IL18RAP: variants seen among roughly 807,000 people sequenced by gnomAD.
IL18RAP encodes interleukin 18 receptor accessory protein, also known as interleukin-18 receptor accessory protein.
A neutral mutation model predicts 58.1 loss-of-function variants in IL18RAP; 37 were observed. The observed-to-expected ratio is 0.64, with a 90% CI of 0.49 to 0.84. IL18RAP has a LOEUF of 0.84. Ranked by LOEUF, IL18RAP falls within the 40% of genes least tolerant of loss-of-function variation. The pLI, the probability that IL18RAP is intolerant of heterozygous loss-of-function variation, is 0.00. For synonymous variants in IL18RAP, 268 were observed against 257.5 expected (o/e 1.04, Z -0.39); for missense variants, 667 against 704.8 (o/e 0.95, Z 0.61).
In IL18RAP at chr2:102,451,906, C is replaced by G; in HGVS notation, c.1525C>G (p.Leu509Val). ...NLALDDQTLK[L>V]ILIKFCYFQE... ...TGCCTTGGATGATCAAACACTGAAA[C>G]TCATTTTAATTAAGTTCTGTTACTT... Residue 509 changes from leucine (L) to valine (V), a missense_variant, in exon 10 of 10, where the codon CTC (leucine) becomes GTC (valine). By Grantham distance (32) the Leu-to-Val change is conservative (BLOSUM62 1). Coordinates refer to ENST00000687160, the MANE Select transcript of IL18RAP (RefSeq NM_001393487.1). 1 of 1,614,196 alleles carries G rather than the reference C, an allele frequency of 6.2e-7. No homozygotes were observed. The highest frequency in any genetic ancestry group is 8.5e-7 in the Non-Finnish European group (1 of 1,180,028).
intron 5 of IL18RAP, among the ~76,000 whole-genome samples, chr2:102,442,640 T>C (rs1286714627): frequency 6.6e-6 from 1 of 152,214 alleles, no homozygotes; most frequent in Non-Finnish European, 1.5e-5. Context: ...GCAGAGCATA[T>C]GTGAATATTC....
chr2:102,436,587 G>A (rs914499959), intron 3 of IL18RAP, among the ~76,000 whole-genome samples: 3 of 151,804 alleles, frequency 2.0e-5, no homozygotes, highest in Non-Finnish European at 2.9e-5. Flanking sequence ...AGGCAAAGTG[G>A]AAGGGAAATT....
intron 4 of IL18RAP, chr2:102,438,874 C>G (rs13383035): frequency 1.3e-5 from 2 of 152,368 alleles, no homozygotes; most frequent in South Asian, 4.1e-4. Flanking sequence ...TGTCATAATA[C>G]AGTGCAGCAA....
Position 102,442,453 on chromosome 2 carries a change from G to A in IL18RAP, c.797-747G>A, listed in dbSNP as rs115249029. On this transcript the variant is annotated intron_variant, in intron 5 of 9. Transcript: ENST00000687160. ...AAATAGCACTAACTATGTGCTCAAC[G>A]TCACAGGAATGGAAGGAAGGAGGAA... Among the ~76,000 whole-genome samples, 305 of 152,172 alleles carry A rather than the reference G, an allele frequency of 2.0e-3. 1 individual carries two copies. The highest frequency in any genetic ancestry group is 6.8e-3 in the African/African-American group (282 of 41,502).
At chr2:102,426,141 T>G (rs1681922836) in intron 3 of IL18RAP, among the ~76,000 whole-genome samples, 1 of 152,168 alleles carries the variant, frequency 6.6e-6, no homozygotes, top group East Asian at 1.9e-4. Flanking sequence ...CTAAAAGTGA[T>G]GGCATTAGGC....
intron 3 of IL18RAP, among the ~76,000 whole-genome samples, chr2:102,433,622 T>A (rs2104332213): frequency 6.6e-6 from 1 of 152,254 alleles, no homozygotes; most frequent in South Asian, 2.1e-4. Context: ...CTTGGCTCAC[T>A]GCAACCTCCA....
rs143234495 is a variant in IL18RAP at position 102,424,018 on chromosome 2, C to T, written c.278C>T (p.Pro93Leu). The change falls in exon 2 of 10, where the codon CCA becomes CTA. Residue 93 changes from proline (P) to leucine (L), a missense_variant. Physicochemically the swap from Pro to Leu is moderately conservative, Grantham distance 98. Transcript: ENST00000687160. ...TACCAACAACCTTCGAATGGAGATC[C>T]ATTAGAGGACATTAGGAAAAGCTAT... is the stretch of plus-strand genomic sequence containing the variant. ...QWYQQPSNGD[P>L]LEDIRKSYPH... is the part of the protein sequence containing the mutation. The T allele has an allele frequency of 6.2e-7, 1 of 1,614,040 alleles. No homozygotes were observed. The highest frequency in any genetic ancestry group is 2.2e-5 in the East Asian group (1 of 44,864).
intron 6 of IL18RAP, 50 bp downstream of exon 6, chr2:102,443,373 T>G: frequency 6.3e-7 from 1 of 1,589,550 alleles, no homozygotes; most frequent in Non-Finnish European, 8.5e-7. Flanking sequence ...GAAGAGATAC[T>G]TCTACCTTTA....
chr2:102,422,812 C>T (rs1158042010), upstream of IL18RAP, among the ~76,000 whole-genome samples: 1 of 152,088 alleles, frequency 6.6e-6, no homozygotes, highest in Non-Finnish European at 1.5e-5. Context: ...GCTTTCCTAA[C>T]CGTGAAAAAT....
At chr2:102,421,449 C>A (rs1020405625), upstream of IL18RAP, among the ~76,000 whole-genome samples, 2 of 152,100 alleles carry the variant, frequency 1.3e-5, no homozygotes, top group Admixed American at 6.5e-5. Context: ...AAATGAAATG[C>A]CCAGGCTTGC....
Position 102,452,151 on chromosome 2 carries a change from T to C in IL18RAP, c.1770T>C (p.Thr590=), listed in dbSNP as rs1251239876. 1.2e-6 allele frequency: 2 copies of C among 1,611,172 alleles called. No individual in the cohort carries two copies. Among genetic ancestry groups the C allele is most frequent in the Non-Finnish European group, 1.7e-6 (2 of 1,178,510 alleles). ...QWKGLSRTET[T]GRSSQPKEW ...AAGGACTCAGTAGAACAGAAACCAC[T>C]GGGAGGAGCTCCCAGCCTAAGGAAT... Residue 590 remains threonine, a synonymous_variant, in exon 10 of 10, where the codon ACT becomes ACC. Coordinates refer to ENST00000687160, the MANE Select transcript of IL18RAP (RefSeq NM_001393487.1).
Position 102,445,295 on chromosome 2 carries a change from A to G in IL18RAP, c.1027A>G (p.Ile343Val). 1 of 1,614,258 alleles carries G rather than the reference A, an allele frequency of 6.2e-7. No homozygotes were observed. Among genetic ancestry groups the G allele is most frequent in the Non-Finnish European group, 8.5e-7 (1 of 1,180,036 alleles). The change falls in exon 7 of 10, where the codon ATT becomes GTT. Residue 343 changes from isoleucine (I) to valine (V), a missense_variant. Ile to Val is a conservative substitution (Grantham distance 29, BLOSUM62 3). Transcript: ENST00000687160. Reference sequence around the variant, plus strand: ...GTTTGTTTGCTTTGTCCAGAACTCCATTGGAAACACAACCCAGTCCGTCCA... The same window carrying G: ...GTTTGTTTGCTTTGTCCAGAACTCCGTTGGAAACACAACCCAGTCCGTCCA... ...RKFVCFVQNS[I>V]GNTTQSVQLK...
At chr2:102,426,491 T>C (rs892159269) in intron 3 of IL18RAP, among the ~76,000 whole-genome samples, 2 of 151,998 alleles carry the variant, frequency 1.3e-5, no homozygotes, top group South Asian at 4.1e-4. Context: ...ATTGTATACA[T>C]TTACAATAGA....
intron 5 of IL18RAP, 74 bp from the exon 6 acceptor site, chr2:102,443,126 G>A (rs542593932): frequency 4.8e-6 from 7 of 1,465,160 alleles, no homozygotes; most frequent in East Asian, 4.6e-5. Flanking sequence ...TTCTGGCGAC[G>A]TCTTCCTCCC....
chr2:102,422,964 A>T (rs971239870), upstream of IL18RAP, among the ~76,000 whole-genome samples: 1 of 152,206 alleles, frequency 6.6e-6, no homozygotes, highest in African/African-American at 2.4e-5. Context: ...TTAAAAGAAC[A>T]CACTGCATAG....
intron 3 of IL18RAP, among the ~76,000 whole-genome samples, chr2:102,426,040 A>T (rs1396137809): frequency 1.3e-5 from 2 of 152,204 alleles, no homozygotes. Flanking sequence ...TTTGTGAATT[A>T]CACATATGTG....
At chr2:102,441,265 C>A in intron 4 of IL18RAP, 47 bp from the exon 5 acceptor site, 1 of 1,485,260 alleles carries the variant, frequency 6.7e-7, no homozygotes, top group Non-Finnish European at 9.4e-7. Context: ...TCAAGCAGGC[C>A]TTCAGACTTT....
chr2:102,424,910 G>T (rs981196547), intron 3 of IL18RAP, among the ~76,000 whole-genome samples: 3 of 152,176 alleles, frequency 2.0e-5, no homozygotes, highest in South Asian at 2.1e-4. Context: ...CAGGTGAGAT[G>T]GTGGAAAGGA....
At position 102,443,289 on chromosome 2, in the gene IL18RAP, C is replaced by T. The variant is rs1683215032; in HGVS notation, c.886C>T (p.Leu296=). The change falls in exon 6 of 10, where the codon CTA becomes TTA. Residue 296 remains leucine, a synonymous_variant. Transcript: ENST00000687160. Reference sequence around the variant, plus strand: ...AAAATGGTACATCAAAGATTCTGACCTAGAGTGGGAAGTCTCAGTACCTGA... The same window carrying T: ...AAAATGGTACATCAAAGATTCTGACTTAGAGTGGGAAGTCTCAGTACCTGA... ...VIKWYIKDSD[L]EWEVSVPEAK... The T allele has an allele frequency of 6.2e-7, 1 of 1,613,616 alleles. No individual in the cohort carries two copies. The highest frequency in any genetic ancestry group is 8.5e-7 in the Non-Finnish European group (1 of 1,179,874).
Sources: allele counts gnomAD v4.1 joint callset (sites outside exome capture counted in the v4.1 genomes callset), GRCh38; gene constraint gnomAD v4.1.1; transcripts MANE v1.5; gene names NCBI Gene and HGNC (gene_info 2026-07-23, HGNC 2026-07-21).